CDK19: variants seen among roughly 807,000 people sequenced by gnomAD.
CDK19 encodes the protein cyclin dependent kinase 19, also known as cyclin-dependent kinase 19.
Under a neutral mutation model 68.3 loss-of-function variants are expected in CDK19, and 20 were observed. The observed-to-expected ratio is 0.29, with a 90% CI of 0.21 to 0.43. The LOEUF (loss-of-function observed/expected upper bound fraction) is 0.43, where lower values mean the gene tolerates loss of function less well. CDK19 is among the 20% of genes least tolerant of loss of function. The pLI, the probability that CDK19 is intolerant of heterozygous loss-of-function variation, is 1.00. For synonymous variants in CDK19, 221 were observed against 222.8 expected, an observed-to-expected ratio of 0.99 and a Z score of 0.07; for missense variants, 339 against 623.5, an observed-to-expected ratio of 0.54 and a Z score of 4.86.
At chr6:110,697,905 A>T (rs1377033569) in intron 2 of CDK19, among the ~76,000 whole-genome samples, 3 of 152,156 alleles carry the variant, frequency 2.0e-5, no homozygotes, top group African/African-American at 7.2e-5. Flanking sequence ...ACAAAAATAT[A>T]AAGTGGGGAA....
At chr6:110,814,281 G>A (rs1240473628) in intron 1 of CDK19, among the ~76,000 whole-genome samples, 1 of 152,246 alleles carries the variant, frequency 6.6e-6, no homozygotes, top group Admixed American at 6.5e-5. Flanking sequence ...TAAAGGGTGG[G>A]TAGCAGAGAA....
rs562627734 is a variant in CDK19, at chr6:110,763,223, C to G, written c.129-17022G>C. On this transcript the variant is annotated intron_variant, in intron 1 of 12. Transcript: ENST00000368911. ...CCCATCTTTCTCATAAAAGTTAAGG[C>G]AAAGTGAAGGAATGGAGGGAAAGAG... Among the ~76,000 whole-genome samples, 3 of 151,974 alleles carry G rather than the reference C, an allele frequency of 2.0e-5. No homozygotes were observed. The South Asian group carries it at 6.2e-4, about 32-fold the overall frequency.
intron 2 of CDK19, among the ~76,000 whole-genome samples, chr6:110,692,282 G>C (rs1214831613): frequency 2.7e-5 from 4 of 147,216 alleles, no homozygotes; most frequent in Admixed American, 2.7e-4. Flanking sequence ...GACAGAGTGA[G>C]ACTCCGTCTC....
chr6:110,725,030 A>G (rs906539073), intron 2 of CDK19, among the ~76,000 whole-genome samples: 5 of 152,188 alleles, frequency 3.3e-5, no homozygotes, highest in African/African-American at 9.6e-5. Context: ...GTGAGCTCCA[A>G]AAGTACAGAA....
intron 2 of CDK19, among the ~76,000 whole-genome samples, chr6:110,714,772 C>T (rs757842872): frequency 8.9e-5 from 12 of 134,898 alleles, no homozygotes; most frequent in African/African-American, 2.6e-4. Flanking sequence ...CTCACTCTGT[C>T]GCCCAGGCTA....
intron 5 of CDK19, among the ~76,000 whole-genome samples, chr6:110,633,477 T>G (rs895128854): frequency 3.3e-5 from 5 of 152,198 alleles, no homozygotes; most frequent in African/African-American, 7.2e-5. Flanking sequence ...AGAGAGCCAG[T>G]TGCTGAATGG....
At chr6:110,715,591 G>T (rs1000055241) in intron 2 of CDK19, among the ~76,000 whole-genome samples, 1 of 152,104 alleles carries the variant, frequency 6.6e-6, no homozygotes, top group Non-Finnish European at 1.5e-5. Flanking sequence ...AGCTTCAAGC[G>T]ATTCTCCTGC....
chr6:110,801,019 CTGATAATA>C (rs1329868452), intron 1 of CDK19, among the ~76,000 whole-genome samples: 1 of 152,126 alleles, frequency 6.6e-6, no homozygotes, highest in Non-Finnish European at 1.5e-5. Flanking sequence ...TATCTATTTA[CTGATAATA>C]TGATCCTGTA....
chr6:110,671,143 G>A (rs1044880040), intron 2 of CDK19, among the ~76,000 whole-genome samples: 3 of 151,910 alleles, frequency 2.0e-5, no homozygotes, highest in African/African-American at 7.3e-5. Context: ...CTGAAGTTGA[G>A]AACAGGTCCT....
intron 4 of CDK19, among the ~76,000 whole-genome samples, chr6:110,654,342 T>C (rs1299714522): frequency 6.6e-6 from 1 of 152,222 alleles, no homozygotes; most frequent in African/African-American, 2.4e-5. Flanking sequence ...TAAGCAGTTA[T>C]TTGCTAATAG....
chr6:110,763,956 A>G (rs760516117), intron 1 of CDK19, among the ~76,000 whole-genome samples: 1 of 152,218 alleles, frequency 6.6e-6, no homozygotes, highest in East Asian at 1.9e-4. Flanking sequence ...ATTATATACC[A>G]GCAATAAAAA....
chr6:110,805,597 A>G (rs1782626453), intron 1 of CDK19, among the ~76,000 whole-genome samples: 1 of 152,164 alleles, frequency 6.6e-6, no homozygotes, highest in African/African-American at 2.4e-5. Context: ...CTATACAAAA[A>G]GTTGGCCCTC....
rs184037237 is a variant in CDK19, at chr6:110,805,592, C to T, written c.128+9417G>A. Among the ~76,000 whole-genome samples, 545 of 152,226 alleles carry T rather than the reference C, an allele frequency of 3.6e-3. 2 individuals carry two copies. The highest frequency in any genetic ancestry group is 4.1e-3 in the Non-Finnish European group (279 of 68,020). ...GTTGGCCCTGGAGAACCCACCTATA[C>T]AAAAAGTTGGCCCTCATATACGCAG... On this transcript the variant is annotated intron_variant, in intron 1 of 12. Transcript: ENST00000368911.
At position 110,612,099 on chromosome 6, in the gene CDK19, ACAATGCTG is replaced by A. The variant is rs1200115756; in HGVS notation, c.*2428_*2435del. 1.3e-4 allele frequency: 20 copies of A among 152,248 alleles called. No homozygotes were observed. The highest frequency in any genetic ancestry group is 2.6e-4 in the Non-Finnish European group (18 of 68,050). The allele number at this position is 152,248 out of a possible 1,614,324, so 9.4% of individuals were successfully genotyped here. A position where few individuals can be genotyped will look rare whatever the true frequency, so the allele number is the denominator to read the frequency against. On this transcript the variant is annotated 3_prime_UTR_variant, in exon 13 of 13. Transcript: ENST00000368911. ...AATGTATAAGCGTAAGAACTATTTA[ACAATGCTG>A]CTTATAAAGTATTAAGGGGCATAGT...
chr6:110,754,462 T>A (rs547603487), intron 1 of CDK19, among the ~76,000 whole-genome samples: 1 of 151,866 alleles, frequency 6.6e-6, no homozygotes, highest in South Asian at 2.1e-4. Context: ...CTGCAATCAT[T>A]AGTAAATATT....
chr6:110,735,787 G>A (rs1777207218), intron 2 of CDK19, among the ~76,000 whole-genome samples: 1 of 152,186 alleles, frequency 6.6e-6, no homozygotes, highest in Admixed American at 6.5e-5. Context: ...ATATGCAAGA[G>A]TAAGACTCTG....
At chr6:110,724,394 T>TA (rs1412176752) in intron 2 of CDK19, among the ~76,000 whole-genome samples, 1 of 151,778 alleles carries the variant, frequency 6.6e-6, no homozygotes, top group Non-Finnish European at 1.5e-5. Context: ...CATAATGTGG[T>TA]AAGGGAGTAT....
intron 1 of CDK19, among the ~76,000 whole-genome samples, chr6:110,790,899 C>T (rs112786278): frequency 1.1e-4 from 16 of 151,848 alleles, no homozygotes; most frequent in African/African-American, 3.6e-4. Flanking sequence ...GGGCCGGGTG[C>T]GGTGGCTCAC....
chr6:110,810,522 C>G (rs1326363403), intron 1 of CDK19, among the ~76,000 whole-genome samples: 1 of 152,180 alleles, frequency 6.6e-6, no homozygotes, highest in East Asian at 1.9e-4. Flanking sequence ...CGCCTATAAT[C>G]CCAGCACTTT....
Sources: gnomAD v4.1 joint callset for allele counts (sites outside exome capture counted in the v4.1 genomes callset) on GRCh38, gnomAD v4.1.1 for gene constraint, MANE v1.5 for transcripts, NCBI Gene and HGNC (gene_info 2026-07-23, HGNC 2026-07-21) for gene names.